Variants in SPECC1 observed in about 807,000 individuals in gnomAD.
SPECC1 encodes cytospin-B.
In SPECC1, 62 loss-of-function variants were observed where a neutral mutation model predicts 104.1. The ratio of observed to expected loss-of-function variants is 0.60; its 90% CI spans 0.49 to 0.74. The LOEUF is 0.74. Ranked by LOEUF, SPECC1 falls within the 30% of genes least tolerant of loss-of-function variation. The pLI is 0.00. For synonymous variants in SPECC1, 513 were observed against 501.6 expected (o/e 1.02, Z -0.30); for missense variants, 1,306 against 1,310.5 (o/e 1.00, Z 0.05).
intron 13 of SPECC1, among the ~76,000 whole-genome samples, chr17:20,303,570 A>G (rs11871945): frequency 0.71 from 107,780 of 152,160 alleles, 39,981 homozygotes; most frequent in East Asian, 0.99. Flanking sequence ...AAGGGTAGAG[A>G]GTGAGAGCCG....
At chr17:20,083,002 GTTCA>G (rs1555603395) in intron 1 of SPECC1, among the ~76,000 whole-genome samples, 89 of 146,002 alleles carry the variant, frequency 6.1e-4, no homozygotes, top group South Asian at 1.5e-3. Context: ...TCGTTCGTTC[GTTCA>G]TTCATCCATC....
chr17:20,303,058 TAC>T (rs1376130134), intron 13 of SPECC1, among the ~76,000 whole-genome samples: 2 of 151,894 alleles, frequency 1.3e-5, no homozygotes, highest in Admixed American at 1.3e-4. Context: ...GCAGAGACAG[TAC>T]AGGAAAATAG....
intron 1 of SPECC1, among the ~76,000 whole-genome samples, chr17:20,090,727 T>C (rs1035365409): frequency 6.6e-6 from 1 of 152,216 alleles, no homozygotes; most frequent in Non-Finnish European, 1.5e-5. Context: ...TTTAGCTCTT[T>C]GGGATGCTGG....
At chr17:20,215,894 C>G (rs886100281) in intron 4 of SPECC1, among the ~76,000 whole-genome samples, 4 of 152,094 alleles carry the variant, frequency 2.6e-5, no homozygotes, top group Admixed American at 6.5e-5. Flanking sequence ...GATTTCCTTT[C>G]TGCTTTTGTT....
intron 1 of SPECC1, among the ~76,000 whole-genome samples, chr17:20,036,676 T>G (rs1288425998): frequency 1.3e-5 from 2 of 152,228 alleles, no homozygotes; most frequent in Non-Finnish European, 2.9e-5. Flanking sequence ...TTTGGTATCC[T>G]TTGACCAGCG....
intron 9 of SPECC1, among the ~76,000 whole-genome samples, chr17:20,250,676 C>G (rs1022846696): frequency 6.6e-6 from 1 of 152,188 alleles, no homozygotes; most frequent in African/African-American, 2.4e-5. Context: ...GAAATAATGT[C>G]AATCTTACGT....
chr17:20,161,570 G>A (rs1487111447), intron 3 of SPECC1, among the ~76,000 whole-genome samples: 2 of 152,210 alleles, frequency 1.3e-5, no homozygotes, highest in African/African-American at 4.8e-5. Flanking sequence ...AGAGAAGACA[G>A]TGGCATCTTA....
At chr17:20,175,199 C>T (rs1338687123) in intron 3 of SPECC1, among the ~76,000 whole-genome samples, 1 of 152,200 alleles carries the variant, frequency 6.6e-6, no homozygotes, top group Non-Finnish European at 1.5e-5. Context: ...GCCAAAGCTC[C>T]TGATGCCATC....
chr17:20,070,945 T>C (rs2046527389), intron 1 of SPECC1, among the ~76,000 whole-genome samples: 1 of 152,160 alleles, frequency 6.6e-6, no homozygotes, highest in Non-Finnish European at 1.5e-5. Flanking sequence ...TAATCTCCTA[T>C]ATTTTCTTTC....
At chr17:20,174,362 A>G (rs2034312864) in intron 3 of SPECC1, among the ~76,000 whole-genome samples, 1 of 152,264 alleles carries the variant, frequency 6.6e-6, no homozygotes, top group South Asian at 2.1e-4. Context: ...ATATGCAGTT[A>G]GGAGATAATT....
chr17:20,056,658 T>A (rs190348654), intron 1 of SPECC1: 2 of 155,042 alleles, frequency 1.3e-5, no homozygotes, highest in East Asian at 3.7e-4. Flanking sequence ...TTTCAATGAT[T>A]TCTGGACTAT....
chr17:20,229,673 C>CT (rs1413496545), intron 5 of SPECC1, among the ~76,000 whole-genome samples: 1 of 152,002 alleles, frequency 6.6e-6, no homozygotes, highest in African/African-American at 2.4e-5. Flanking sequence ...GACTGCATCT[C>CT]TAAAAAAATA....
At chr17:20,152,953 C>A (rs570974309) in intron 3 of SPECC1, among the ~76,000 whole-genome samples, 10 of 152,336 alleles carry the variant, frequency 6.6e-5, no homozygotes, top group African/African-American at 2.4e-4. Flanking sequence ...GCGTGAGCCT[C>A]CGCCAGCCTC....
chr17:20,161,073 C>T (rs1156404615), intron 3 of SPECC1, among the ~76,000 whole-genome samples: 4 of 152,044 alleles, frequency 2.6e-5, no homozygotes, highest in South Asian at 2.1e-4. Context: ...TAGTCGAGTG[C>T]GGTGGTGGGC....
chr17:20,088,185 G>A (rs1050580771), intron 1 of SPECC1, among the ~76,000 whole-genome samples: 1 of 152,216 alleles, frequency 6.6e-6, no homozygotes, highest in African/African-American at 2.4e-5. Flanking sequence ...GAAGCCACTG[G>A]GGGGTTCTGT....
At chr17:20,194,502 A>ATTTTTTTTTTTTTTTTTTTTTTTTTTTTT (rs1209589252) in intron 3 of SPECC1, among the ~76,000 whole-genome samples, 3 of 86,562 alleles carry the variant, frequency 3.5e-5, no homozygotes, top group African/African-American at 5.3e-5. Flanking sequence ...AAGAGAACGA[A>ATTTTTTTTTTTTTTTTTTTTTTTTTTTTT]TTTTTTTTTT....
chr17:20,245,443 T>A (rs770839876), intron 7 of SPECC1, among the ~76,000 whole-genome samples: 7 of 152,112 alleles, frequency 4.6e-5, no homozygotes, highest in Non-Finnish European at 7.4e-5. Context: ...CAAGTCTTTC[T>A]GATTGGTGGA....
chr17:20,276,193 T>C (rs2040570462), intron 12 of SPECC1, among the ~76,000 whole-genome samples: 1 of 152,180 alleles, frequency 6.6e-6, no homozygotes, highest in Non-Finnish European at 1.5e-5. Context: ...CATAGCTCAC[T>C]GCAGCCTCCA....
chr17:20,099,712 A>C (rs2047842607), intron 2 of SPECC1, among the ~76,000 whole-genome samples: 1 of 149,070 alleles, frequency 6.7e-6, no homozygotes. Flanking sequence ...AAAAAAAAAA[A>C]AAAAAAAACC....
Sources: gnomAD v4.1 joint callset for allele counts (sites outside exome capture counted in the v4.1 genomes callset) on GRCh38, gnomAD v4.1.1 for gene constraint, MANE v1.5 for transcripts, NCBI Gene and HGNC (gene_info 2026-07-23, HGNC 2026-07-21) for gene names.